The following ZNF324B variants were observed in gnomAD, a reference collection of about 807,000 sequenced individuals.
The protein encoded by ZNF324B is zinc finger protein 324B.
In ZNF324B, 7 loss-of-function variants were observed where a neutral mutation model predicts 10.6. The ratio of observed to expected loss-of-function variants is 0.66; its 90% CI spans 0.38 to 1.24. ZNF324B has a LOEUF of 1.24. ZNF324B is among the 50% of genes most tolerant of loss of function. The pLI, the probability that ZNF324B is intolerant of heterozygous loss-of-function variation, is 0.02. For missense variants in ZNF324B, 640 were observed against 764.7 expected, an observed-to-expected ratio of 0.84 and a Z score of 1.92; for synonymous variants, 316 against 321.0, an observed-to-expected ratio of 0.98 and a Z score of 0.17.
At chr19:58,424,268 AAACAAC>A in the ZNF324B span, among the ~76,000 whole-genome samples, 9 of 151,804 alleles carry the variant, frequency 5.9e-5, no homozygotes, top group South Asian at 8.3e-4. Context: ...AAAATAAAAC[AAACAAC>A]AACAACAACA....
the ZNF324B span, among the ~76,000 whole-genome samples, chr19:58,424,268 AAAC>A: frequency 1.2e-3 from 175 of 151,920 alleles, no homozygotes; most frequent in African/African-American, 3.9e-3. Flanking sequence ...AAAATAAAAC[AAAC>A]AACAACAACA....
the ZNF324B span, chr19:58,430,203 C>G: frequency 2.0e-5 from 3 of 152,228 alleles, no homozygotes; most frequent in Non-Finnish European, 4.4e-5. Flanking sequence ...AAACTGAATG[C>G]TGCCAATTAC....
chr19:58,420,477 C>T, the ZNF324B span, among the ~76,000 whole-genome samples: 1 of 151,496 alleles, frequency 6.6e-6, no homozygotes, highest in Admixed American at 6.6e-5. Context: ...GCCTGTAATG[C>T]CAGCACTCTG....
At chr19:58,434,900 T>G in the ZNF324B span, 3 of 1,614,004 alleles carry the variant, frequency 1.9e-6, no homozygotes, top group South Asian at 3.3e-5. Context: ...ACTTTAGAGC[T>G]CTTCATAAGT....
At chr19:58,454,378 C>A (rs762771358) in intron 3 of ZNF324B, 34 bp downstream of exon 3, 23 of 1,430,682 alleles carry the variant, frequency 1.6e-5, no homozygotes, top group Non-Finnish European at 2.3e-5. Flanking sequence ...GAACTAAGGA[C>A]CAACCTGTGG....
upstream of ZNF324B, chr19:58,451,557 G>C: frequency 1.9e-6 from 1 of 512,832 alleles, no homozygotes. Flanking sequence ...AAGGCTGTGC[G>C]CAAGCGTCTG....
chr19:58,439,362 C>T, the ZNF324B span, among the ~76,000 whole-genome samples: 1 of 152,194 alleles, frequency 6.6e-6, no homozygotes, highest in Non-Finnish European at 1.5e-5. Flanking sequence ...TGGCTCCCAC[C>T]ACCATCAGAA....
chr19:58,423,656 C>G, the ZNF324B span, among the ~76,000 whole-genome samples: 1 of 152,188 alleles, frequency 6.6e-6, no homozygotes, highest in African/African-American at 2.4e-5. Context: ...ATCACACTAC[C>G]TGACTTGAAA....
chr19:58,435,618 A>C, the ZNF324B span: 1 of 167,888 alleles, frequency 6.0e-6, no homozygotes, highest in Non-Finnish European at 1.3e-5. Flanking sequence ...ATGACAACAA[A>C]TGAAGTAGAA....
At chr19:58,454,999 G>C in intron 3 of ZNF324B, 184 bp from the exon 4 acceptor site, 1 of 824,448 alleles carries the variant, frequency 1.2e-6, no homozygotes, top group Non-Finnish European at 2.0e-6. Flanking sequence ...TGCAGTCAGT[G>C]CCACACCTGT....
Position 58,456,798 on chromosome 19 carries a change from G to C in ZNF324B, c.*219G>C, listed in dbSNP as rs1738626508. 1 of 615,026 alleles carries C rather than the reference G, an allele frequency of 1.6e-6. No homozygotes were observed. The highest frequency in any genetic ancestry group is 1.8e-5 in the African/African-American group (1 of 54,168). 38.1% of individuals were successfully genotyped at this position (615,026 alleles called of 1,614,324 possible). On this transcript the variant is annotated 3_prime_UTR_variant, in exon 4 of 4. Coordinates refer to ENST00000336614, the MANE Select transcript of ZNF324B (RefSeq NM_207395.3). This position sits in a 1 kb window ranked among gnomAD's most constrained non-coding sequence, Gnocchi z 4.7. The stretch of plus-strand genomic sequence containing the variant: ...CCATCCTCAAAGAGGTAACACTGCA[G>C]AAACATCAGAGGGAGGACATGTCAG...
the ZNF324B span, chr19:58,430,106 A>G: frequency 6.6e-6 from 1 of 152,240 alleles, no homozygotes; most frequent in Admixed American, 6.5e-5. Flanking sequence ...TTGATTGACA[A>G]GCTGCCATTT....
chr19:58,453,834 G>T lies in ZNF324B; in HGVS notation c.121+12G>T. ...TGTGACCTCACTTGGTAAGGCCCTG[G>T]GTGCTCCATGAAAAGTGCACTTGGT... is the stretch of plus-strand genomic sequence containing the variant. On this transcript the variant is annotated intron_variant, in intron 2 of 3. Coordinates refer to ENST00000336614, the MANE Select transcript of ZNF324B (RefSeq NM_207395.3). 6.2e-7 allele frequency: 1 copy of T among 1,610,570 alleles called. No homozygotes were observed. The highest frequency in any genetic ancestry group is 8.5e-7 in the Non-Finnish European group (1 of 1,177,888).
chr19:58,427,419 C>CT, the ZNF324B span, among the ~76,000 whole-genome samples: 10 of 29,062 alleles, frequency 3.4e-4, no homozygotes, highest in Admixed American at 6.2e-4. Flanking sequence ...TCCTTCCTTC[C>CT]TTCCTTCCTT....
the ZNF324B span, among the ~76,000 whole-genome samples, chr19:58,427,460 T>TCCCTTTC: frequency 3.1e-3 from 280 of 90,924 alleles, 14 homozygotes; most frequent in Non-Finnish European, 4.4e-3. Flanking sequence ...TTCCCTTCCT[T>TCCCTTTC]CCTTCCTTCC....
At chr19:58,450,360 G>T (rs968103690), upstream of ZNF324B, among the ~76,000 whole-genome samples, 1 of 151,606 alleles carries the variant, frequency 6.6e-6, no homozygotes, top group Non-Finnish European at 1.5e-5. Context: ...AGCTACTTGG[G>T]AGGCTGAAGT....
the ZNF324B span, chr19:58,440,116 G>C: frequency 9.0e-6 from 4 of 446,454 alleles, no homozygotes; most frequent in South Asian, 1.2e-4. Context: ...GAGGCCTGCT[G>C]TAGCCCAACC....
the ZNF324B span, chr19:58,444,971 A>G: frequency 2.2e-5 from 4 of 181,400 alleles, no homozygotes; most frequent in Non-Finnish European, 4.5e-5. Flanking sequence ...GCCATGAGCA[A>G]AATTTTGCAA....
At chr19:58,449,013 C>T (rs1472507526), upstream of ZNF324B, among the ~76,000 whole-genome samples, 3 of 152,202 alleles carry the variant, frequency 2.0e-5, no homozygotes, top group Non-Finnish European at 2.9e-5. Context: ...CAGCCCTTCC[C>T]ATCACAGGCC....
Sources: allele counts gnomAD v4.1 joint callset (sites outside exome capture counted in the v4.1 genomes callset), GRCh38; gene constraint gnomAD v4.1.1; non-coding constraint Gnocchi (gnomAD v3.1); transcripts MANE v1.5; gene names NCBI Gene and HGNC (gene_info 2026-07-23, HGNC 2026-07-21).